The following RASA2 variants were observed in gnomAD, a reference collection of about 807,000 sequenced individuals.
RASA2 encodes ras GTPase-activating protein 2.
In RASA2, 155 loss-of-function variants were observed where a neutral mutation model predicts 118.2. That is an observed-to-expected ratio of 1.31 (90% CI 1.15 to 1.50). The LOEUF (loss-of-function observed/expected upper bound fraction) is 1.50, where lower values mean the gene tolerates loss of function less well. Among genes scored for constraint, RASA2 ranks in the 40% most tolerant of loss-of-function variants. The pLI is 0.00. For synonymous variants in RASA2, 353 were observed against 349.1 expected (o/e 1.01, Z -0.12); for missense variants, 1,016 against 1,009.6 (o/e 1.01, Z -0.09).
intron 7 of RASA2, 34 bp from the exon 8 acceptor site, chr3:141,558,851 TA>T (rs200939765): frequency 1.5e-5 from 22 of 1,472,048 alleles, no homozygotes; most frequent in South Asian, 4.8e-5. Context: ...TGTATTTTTT[TA>T]AAAAAAATTT....
chr3:141,533,430 T>G (rs1258014529), intron 4 of RASA2, among the ~76,000 whole-genome samples: 1 of 152,200 alleles, frequency 6.6e-6, no homozygotes, highest in Non-Finnish European at 1.5e-5. Flanking sequence ...TACCTGAGGA[T>G]CTTCATCTAT....
rs73869661 is a variant in RASA2 at position 141,553,755 on chromosome 3, A to G, written c.528-102A>G. On this transcript the variant is annotated intron_variant, in intron 5 of 23. Transcript: ENST00000286364. Reference sequence around the variant, plus strand: ...CCATACAACTGCAGACACATGGAAAACAATTCTTAACCTTTTGAATGTATT... The same window carrying G: ...CCATACAACTGCAGACACATGGAAAGCAATTCTTAACCTTTTGAATGTATT... 3,811 of 1,496,852 alleles carry G rather than the reference A, an allele frequency of 2.5e-3. 79 individuals are homozygous for G. In the African/African-American group the frequency reaches 0.047, roughly 19 times the overall value. The allele number at this position is 1,496,852 out of a possible 1,614,324, so 92.7% of individuals were successfully genotyped here. A position where few individuals can be genotyped will look rare whatever the true frequency, so the allele number is the denominator to read the frequency against.
chr3:141,549,339 TG>T (rs2082535596), intron 5 of RASA2, among the ~76,000 whole-genome samples: 2 of 152,166 alleles, frequency 1.3e-5, no homozygotes, highest in South Asian at 4.1e-4. Context: ...CTAGTATCTC[TG>T]TCCTAAAAGG....
At chr3:141,498,699 G>C (rs1395163123) in intron 1 of RASA2, among the ~76,000 whole-genome samples, 1 of 151,554 alleles carries the variant, frequency 6.6e-6, no homozygotes, top group African/African-American at 2.4e-5. Flanking sequence ...TTGGCCCCCT[G>C]GATGCTGTCA....
intron 3 of RASA2, among the ~76,000 whole-genome samples, chr3:141,527,465 G>A (rs2082200848): frequency 6.6e-6 from 1 of 152,016 alleles, no homozygotes; most frequent in Non-Finnish European, 1.5e-5. Context: ...TTCTCAAAAG[G>A]TAAGAGCTTC....
At chr3:141,610,994 C>A (rs759672745) in intron 23 of RASA2, among the ~76,000 whole-genome samples, 4 of 151,710 alleles carry the variant, frequency 2.6e-5, no homozygotes, top group Non-Finnish European at 5.9e-5. Flanking sequence ...TAGATGGATA[C>A]TGCAATGGAT....
In RASA2 at chr3:141,580,429, G is replaced by A. The variant is rs2083093617; in HGVS notation, c.1652G>A (p.Trp551Ter). ...ISKTIQTLGS[W>*]GSLSKSKSSF... ...AAAACTATACAAACTTTGGGAAGCTGGGGGAGTCTGTCCAAAAGCAAGGTA... is the reference window on the plus strand; with the variant it reads ...AAAACTATACAAACTTTGGGAAGCTAGGGGAGTCTGTCCAAAAGCAAGGTA... Residue 551 changes from tryptophan to a stop codon, truncating the protein, a stop_gained, in exon 16 of 24, where the codon TGG becomes TAG. Coordinates refer to ENST00000286364, the MANE Select transcript of RASA2 (RefSeq NM_006506.5). LOFTEE classifies it high-confidence loss of function. 3 of 1,606,794 alleles carry A rather than the reference G, an allele frequency of 1.9e-6. No homozygotes were observed. The highest frequency in any genetic ancestry group is 2.6e-6 in the Non-Finnish European group (3 of 1,174,680).
chr3:141,574,123 G>A (rs1317617568), intron 14 of RASA2, 56 bp downstream of exon 14: 1 of 1,183,540 alleles, frequency 8.4e-7, no homozygotes, highest in Non-Finnish European at 1.1e-6. Context: ...CTTTTTTATA[G>A]ATATTAATTA....
At chr3:141,604,997 T>C (rs2083524926) in intron 19 of RASA2, among the ~76,000 whole-genome samples, 1 of 152,112 alleles carries the variant, frequency 6.6e-6, no homozygotes, top group South Asian at 2.1e-4. Flanking sequence ...GATAGTTCAA[T>C]GGAGTAAACA....
rs550954926 is a variant in RASA2, at chr3:141,561,392, G to T, written c.863+1397G>T. Among the ~76,000 whole-genome samples, 3 of 152,224 alleles carry T rather than the reference G, an allele frequency of 2.0e-5. No homozygotes were observed. The East Asian group carries it at 5.8e-4, about 29-fold the overall frequency. Reference sequence around the variant, plus strand: ...GGCAAAACTTTGTGCAGCTTCCTTGGCAGTATGTAAGAACATTAACAAACT... The same window carrying T: ...GGCAAAACTTTGTGCAGCTTCCTTGTCAGTATGTAAGAACATTAACAAACT... On this transcript the variant is annotated intron_variant, in intron 9 of 23. Coordinates refer to ENST00000286364, the MANE Select transcript of RASA2 (RefSeq NM_006506.5).
intron 4 of RASA2, among the ~76,000 whole-genome samples, chr3:141,538,159 TTAA>T (rs2082355954): frequency 6.6e-6 from 1 of 151,824 alleles, no homozygotes; most frequent in Non-Finnish European, 1.5e-5. Flanking sequence ...TTCAAATCTA[TTAA>T]ATGATTACAG....
chr3:141,581,539 T>C (rs975582190), intron 17 of RASA2, among the ~76,000 whole-genome samples: 2 of 152,174 alleles, frequency 1.3e-5, no homozygotes, highest in African/African-American at 4.8e-5. Context: ...CTCTACCCCT[T>C]AGACGCAAGA....
intron 4 of RASA2, among the ~76,000 whole-genome samples, chr3:141,532,274 A>G: frequency 6.6e-6 from 1 of 152,116 alleles, no homozygotes; most frequent in East Asian, 1.9e-4. Context: ...TCCTAACCAC[A>G]GTGCCTTTAC....
intron 4 of RASA2, among the ~76,000 whole-genome samples, chr3:141,534,190 T>C (rs1464219112): frequency 6.6e-6 from 1 of 152,164 alleles, no homozygotes; most frequent in Non-Finnish European, 1.5e-5. Flanking sequence ...ACATTAGGTA[T>C]TTATCCTTTC....
At chr3:141,553,090 T>G (rs2082597596) in intron 5 of RASA2, among the ~76,000 whole-genome samples, 1 of 152,226 alleles carries the variant, frequency 6.6e-6, no homozygotes, top group Admixed American at 6.5e-5. Flanking sequence ...TGGTGCTTAC[T>G]GAGGAGCTGT....
At position 141,586,673 on chromosome 3, in the gene RASA2, A is replaced by C; in HGVS notation, c.1854A>C (p.Arg618Ser). Reference sequence around the variant, plus strand: ...AGATGTATAAAAGAGCTCAAGGAAGAACTCGGATTGGAAAAAAGAATTTTA... The same window carrying C: ...AGATGTATAAAAGAGCTCAAGGAAGCACTCGGATTGGAAAAAAGAATTTTA... ...EGEMYKRAQG[R>S]TRIGKKNFKK... The change falls in exon 19 of 24, where the codon AGA becomes AGC. Residue 618 changes from arginine to serine, a missense_variant. Arg to Ser is a moderately radical substitution (Grantham distance 110). Around this residue, in one of 2 missense-constraint regions of RASA2, gnomAD observed 896 missense variants for 836.4 expected, o/e 1.07. Transcript: ENST00000286364. 1 of 1,613,196 alleles carries C rather than the reference A, an allele frequency of 6.2e-7. No individual in the cohort carries two copies. Among genetic ancestry groups the C allele is most frequent in the Non-Finnish European group, 8.5e-7 (1 of 1,179,310 alleles).
chr3:141,522,072 G>A (rs994658014), intron 3 of RASA2, among the ~76,000 whole-genome samples: 10 of 152,036 alleles, frequency 6.6e-5, no homozygotes, highest in Non-Finnish European at 1.5e-4. Context: ...GTTGAGCATA[G>A]ATAGATTTTA....
chr3:141,506,716 CA>C (rs55947573), intron 1 of RASA2, among the ~76,000 whole-genome samples: 38,294 of 151,684 alleles, frequency 0.25, 5,424 homozygotes, highest in Non-Finnish European at 0.32. Context: ...AGTTCAAGAC[CA>C]GCCTGGGCAA....
At chr3:141,595,919 TG>T (rs1418070499) in intron 19 of RASA2, among the ~76,000 whole-genome samples, 1 of 152,204 alleles carries the variant, frequency 6.6e-6, no homozygotes, top group African/African-American at 2.4e-5. Flanking sequence ...GCACCTGGCC[TG>T]TACTTGAATA....
Sources: gnomAD v4.1 joint callset for allele counts (sites outside exome capture counted in the v4.1 genomes callset) on GRCh38, gnomAD v4.1.1 for gene constraint, gnomAD v4.1.1 regional missense constraint, MANE v1.5 for transcripts, NCBI Gene and HGNC (gene_info 2026-07-23, HGNC 2026-07-21) for gene names.